CHD1L: variants seen among roughly 807,000 people sequenced by gnomAD.
The protein encoded by CHD1L is chromodomain helicase DNA binding protein 1 like.
A neutral mutation model predicts 115.9 loss-of-function variants in CHD1L; 118 were observed. That is an observed-to-expected ratio of 1.02 (90% CI 0.88 to 1.19). The LOEUF is 1.19. Ranked by LOEUF, CHD1L falls within the 50% of genes most tolerant of loss-of-function variation. CHD1L has a pLI of 0.00. For missense variants in CHD1L, 1,179 were observed against 1,065.3 expected (o/e 1.11, Z -1.49); for synonymous variants, 411 against 387.1 (o/e 1.06, Z -0.72).
At chr1:147,251,111 A>G (rs997999655) in intron 1 of CHD1L, among the ~76,000 whole-genome samples, 5 of 152,164 alleles carry the variant, frequency 3.3e-5, no homozygotes, top group African/African-American at 1.2e-4. Context: ...TCTTTCCTTT[A>G]TAAATTACCC....
chr1:147,195,411 G>A, the CHD1L span, among the ~76,000 whole-genome samples: 1 of 151,802 alleles, frequency 6.6e-6, no homozygotes, highest in Non-Finnish European at 1.5e-5. Flanking sequence ...GGGATTACAG[G>A]CATGAGCCAC....
chr1:147,212,243 C>T, the CHD1L span: 9 of 733,824 alleles, frequency 1.2e-5, no homozygotes, highest in Admixed American at 2.7e-5. Context: ...ATGTTGCCAA[C>T]TGAGGTAATG....
rs782710065 is a variant in CHD1L at position 147,242,814 on chromosome 1, G to C, written c.111G>C (p.Arg37=). The C allele has an allele frequency of 1.2e-5, 15 of 1,277,720 alleles. No individual in the cohort carries two copies. The highest frequency in any genetic ancestry group is 3.0e-5 in the African/African-American group (2 of 65,808). 79.1% of individuals were successfully genotyped at this position (1,277,720 alleles called of 1,614,324 possible). A position where few individuals can be genotyped will look rare whatever the true frequency, so the allele number is the denominator to read the frequency against. The change falls in exon 1 of 23, where the codon CGG becomes CGC. Residue 37 remains arginine (R), a synonymous_variant. Coordinates refer to ENST00000369258, the MANE Select transcript of CHD1L (RefSeq NM_004284.6). ...EAARVQEQDL[R]QWGLTGIHLR... ...CGCGGGTGCAGGAGCAGGACTTACGGCAGTGGGGGCTGACAGGTGAGCGGG... is the reference window on the plus strand; with the variant it reads ...CGCGGGTGCAGGAGCAGGACTTACGCCAGTGGGGGCTGACAGGTGAGCGGG...
intron 1 of CHD1L, among the ~76,000 whole-genome samples, chr1:147,250,484 A>G (rs1010321400): frequency 2.0e-5 from 3 of 152,112 alleles, no homozygotes; most frequent in Admixed American, 2.0e-4. Flanking sequence ...GGGCTCCTCC[A>G]TCCTGCTGGG....
rs1313367867 is a variant in CHD1L at position 147,267,407 on chromosome 1, C to G, written c.896-19C>G. ...GTAGGCCATCTCTTTCTGTCTCTCTCTTTTTTTTTAAATTTCAGATGCATT... is the reference window on the plus strand; with the variant it reads ...GTAGGCCATCTCTTTCTGTCTCTCTGTTTTTTTTTAAATTTCAGATGCATT... On this transcript the variant is annotated intron_variant, in intron 8 of 22. Transcript: ENST00000369258. 6 of 1,560,468 alleles carry G rather than the reference C, an allele frequency of 3.8e-6. No homozygotes were observed. Among genetic ancestry groups the G allele is most frequent in the Non-Finnish European group, 5.3e-6 (6 of 1,137,774 alleles).
chr1:147,267,686 T>C (rs1019236081), intron 9 of CHD1L, among the ~76,000 whole-genome samples, 168 bp downstream of exon 9: 8 of 152,228 alleles, frequency 5.3e-5, no homozygotes, highest in African/African-American at 1.9e-4. Context: ...ATATCTTCAG[T>C]TGTCCCGGTA....
chr1:147,178,714 G>T, the CHD1L span: 1 of 1,571,730 alleles, frequency 6.4e-7, no homozygotes, highest in Non-Finnish European at 8.8e-7. Context: ...TGATAACGGA[G>T]ATGGTATCAT....
intron 7 of CHD1L, among the ~76,000 whole-genome samples, chr1:147,265,578 T>C (rs1673566077): frequency 6.6e-6 from 1 of 152,232 alleles, no homozygotes; most frequent in South Asian, 2.1e-4. Flanking sequence ...TTTCTGAGCC[T>C]CACTTAACTT....
chr1:147,281,682 C>T (rs587609807), intron 15 of CHD1L, among the ~76,000 whole-genome samples: 1 of 152,150 alleles, frequency 6.6e-6, no homozygotes, highest in Admixed American at 6.5e-5. Flanking sequence ...ATACTGTCTT[C>T]TCTGGGGACA....
the CHD1L span, chr1:147,173,441 T>C: frequency 2.0e-5 from 3 of 152,254 alleles, no homozygotes; most frequent in African/African-American, 7.2e-5. Context: ...ATGTTAGTCT[T>C]AGGAGAAGAA....
chr1:147,292,991 A>G (rs1686140629), intron 20 of CHD1L, among the ~76,000 whole-genome samples: 1 of 144,986 alleles, frequency 6.9e-6, no homozygotes, highest in Admixed American at 7.0e-5. Context: ...AAAATGCTAA[A>G]AAAGGAGAAA....
At chr1:147,280,412 A>G (rs747962941) in intron 15 of CHD1L, among the ~76,000 whole-genome samples, 16 of 152,214 alleles carry the variant, frequency 1.1e-4, no homozygotes, top group Admixed American at 5.9e-4. Flanking sequence ...GTGAACCAAA[A>G]TCATAGTATT....
chr1:147,295,548 C>T lies in CHD1L; in HGVS notation c.*39C>T. 3 of 1,432,370 alleles carry T rather than the reference C, an allele frequency of 2.1e-6. No individual in the cohort carries two copies. Among genetic ancestry groups the T allele is most frequent in the Non-Finnish European group, 2.9e-6 (3 of 1,022,714 alleles). The allele number at this position is 1,432,370 out of a possible 1,614,324, so 88.7% of individuals were successfully genotyped here. A position where few individuals can be genotyped will look rare whatever the true frequency, so the allele number is the denominator to read the frequency against. On this transcript the variant is annotated 3_prime_UTR_variant, in exon 23 of 23. Coordinates refer to ENST00000369258, the MANE Select transcript of CHD1L (RefSeq NM_004284.6). ...CTCAGATCCTGTCTTTAGCAACCAG[C>T]TAATATTTACCCAGAGGTACTGCAA...
the CHD1L span, chr1:147,174,625 A>G: frequency 6.6e-6 from 1 of 152,200 alleles, no homozygotes; most frequent in African/African-American, 2.4e-5. Context: ...TCAGTTTTGA[A>G]TATTGCAGGT....
chr1:147,268,702 G>A, intron 9 of CHD1L, 80 bp from the exon 10 acceptor site: 1 of 1,116,506 alleles, frequency 9.0e-7, no homozygotes, highest in South Asian at 1.3e-5. Flanking sequence ...TGAGCTTTTG[G>A]CTTCTCTTCC....
chr1:147,239,628 C>T (rs1275980590), upstream of CHD1L, among the ~76,000 whole-genome samples: 1 of 152,164 alleles, frequency 6.6e-6, no homozygotes, highest in Admixed American at 6.5e-5. Context: ...TCTCTTCATA[C>T]AGTATTCAGA....
chr1:147,283,272 G>A (rs1381144263), intron 15 of CHD1L, among the ~76,000 whole-genome samples: 2 of 152,056 alleles, frequency 1.3e-5, no homozygotes, highest in African/African-American at 4.8e-5. Context: ...GGTTAGATTT[G>A]GGTACAAGTG....
intron 1 of CHD1L, among the ~76,000 whole-genome samples, chr1:147,244,108 G>C (rs1665824368): frequency 1.3e-5 from 2 of 152,180 alleles, no homozygotes; most frequent in South Asian, 4.1e-4. Context: ...TATGTTTGTG[G>C]GTTTGCCTAT....
At chr1:147,209,210 G>A in the CHD1L span, among the ~76,000 whole-genome samples, 4 of 152,100 alleles carry the variant, frequency 2.6e-5, no homozygotes, top group Non-Finnish European at 5.9e-5. Flanking sequence ...ACGAGGTCAG[G>A]AGATCGAGAC....
Sources: gnomAD v4.1 joint callset for allele counts (sites outside exome capture counted in the v4.1 genomes callset) on GRCh38, gnomAD v4.1.1 for gene constraint, MANE v1.5 for transcripts, NCBI Gene and HGNC (gene_info 2026-07-23, HGNC 2026-07-21) for gene names.